The following CARS2 variants were observed in gnomAD, a reference collection of about 807,000 sequenced individuals.
CARS2 encodes cysteinyl-tRNA synthetase 2, mitochondrial, also known as probable cysteine--tRNA ligase, mitochondrial.
Under a neutral mutation model 68.8 loss-of-function variants are expected in CARS2, and 52 were observed. The ratio of observed to expected loss-of-function variants is 0.76; its 90% CI spans 0.61 to 0.95. CARS2 has a LOEUF of 0.95. CARS2 is among the 40% of genes least tolerant of loss of function. The probability of loss-of-function intolerance (pLI) is 0.00; values close to 1 mark genes in which losing one functional copy is unlikely to be tolerated. For missense variants in CARS2, 780 were observed against 754.2 expected (o/e 1.03, Z -0.40); for synonymous variants, 314 against 303.6 (o/e 1.03, Z -0.36).
In CARS2 at chr13:110,706,032, AGGCCCAGCGCGGCCTGGAGCAGCGGGG is replaced by A; in HGVS notation, c.35_61del (p.Pro12_Gly20del). 3 of 1,404,424 alleles carry A rather than the reference AGGCCCAGCGCGGCCTGGAGCAGCGGGG, an allele frequency of 2.1e-6. No individual in the cohort carries two copies. The highest frequency in any genetic ancestry group is 2.8e-6 in the Non-Finnish European group (3 of 1,082,472). The allele number at this position is 1,404,424 out of a possible 1,614,324, so 87.0% of individuals were successfully genotyped here. The stretch of plus-strand genomic sequence containing the variant: ...AGGCCAGTGCCACCCAGCCCGCCCA[AGGCCCAGCGCGGCCTGGAGCAGCGGGG>A]GGCCCAGGCCTGGGCCGCGCGTAGT... On this transcript the variant is annotated inframe_deletion, in exon 1 of 15. Transcript: ENST00000257347.
intron 6 of CARS2, among the ~76,000 whole-genome samples, chr13:110,682,306 T>C (rs1256764054): frequency 6.6e-6 from 1 of 152,244 alleles, no homozygotes; most frequent in Non-Finnish European, 1.5e-5. Context: ...CACGGCCTGC[T>C]GGTAGCCACG....
chr13:110,645,634 G>A, intron 12 of CARS2: 1 of 226,980 alleles, frequency 4.4e-6, no homozygotes, highest in Non-Finnish European at 8.5e-6. Flanking sequence ...TCCTTAAAAA[G>A]TTCCCCACAA....
In CARS2 at chr13:110,665,210, G is replaced by A; in HGVS notation, c.920-1692C>T. 1 of 938,442 alleles carries A rather than the reference G, an allele frequency of 1.1e-6. No homozygotes were observed. Among genetic ancestry groups the A allele is most frequent in the Non-Finnish European group, 1.3e-6 (1 of 787,070 alleles). The allele number at this position is 938,442 out of a possible 1,614,324, so 58.1% of individuals were successfully genotyped here. ...GCCTATAATCCCAGCACTTTGGGAG[G>A]CAGAGGTGGCAGATCACTTGAGGTC... On this transcript the variant is annotated intron_variant, in intron 8 of 14. Transcript: ENST00000257347. This position sits in a 1 kb window ranked among gnomAD's most constrained non-coding sequence, Gnocchi z 4.3.
Position 110,705,651 on chromosome 13 carries a change from A to G in CARS2, c.225-80T>C. The G allele has an allele frequency of 6.7e-7, 1 of 1,501,714 alleles. No individual in the cohort carries two copies. Among genetic ancestry groups the G allele is most frequent in the Non-Finnish European group, 9.2e-7 (1 of 1,083,242 alleles). 93.0% of individuals were successfully genotyped at this position (1,501,714 alleles called of 1,614,324 possible). A position where few individuals can be genotyped will look rare whatever the true frequency, so the allele number is the denominator to read the frequency against. On this transcript the variant is annotated intron_variant, in intron 1 of 14. Transcript: ENST00000257347. The surrounding 1 kb of genome is among the most constrained non-coding windows in gnomAD (Gnocchi z 4.0). ...CGATTCTGAGTTATAATGATCATAT[A>G]ATTTTTAAAGTAATCACTTCTGGGG...
intron 5 of CARS2, among the ~76,000 whole-genome samples, chr13:110,685,245 G>A (rs2139847443): frequency 6.6e-6 from 1 of 152,234 alleles, no homozygotes; most frequent in South Asian, 2.1e-4. Flanking sequence ...GGGAGGCGGA[G>A]GTTGCTGTGA....
In CARS2 at chr13:110,665,328, C is replaced by T. The variant is rs1382360490; in HGVS notation, c.920-1810G>A. The stretch of plus-strand genomic sequence containing the variant: ...GGGTATGGTGGTATGCACCTGTAGT[C>T]GCAGCTACTAGAACAGCTGAGGCAG... On this transcript the variant is annotated intron_variant, in intron 8 of 14. Coordinates refer to ENST00000257347, the MANE Select transcript of CARS2 (RefSeq NM_024537.4). The surrounding 1 kb of genome is among the most constrained non-coding windows in gnomAD (Gnocchi z 4.3). 2 of 637,238 alleles carry T rather than the reference C, an allele frequency of 3.1e-6. No individual in the cohort carries two copies. The highest frequency in any genetic ancestry group is 3.9e-6 in the Non-Finnish European group (2 of 511,928). The allele number at this position is 637,238 out of a possible 1,614,324, so 39.5% of individuals were successfully genotyped here.
chr13:110,695,938 C>G (rs554102658), intron 3 of CARS2, among the ~76,000 whole-genome samples: 2 of 152,208 alleles, frequency 1.3e-5, no homozygotes, highest in South Asian at 4.1e-4. Context: ...GCCCCCCAAC[C>G]CCTGACAGGC....
intron 2 of CARS2, among the ~76,000 whole-genome samples, chr13:110,703,323 A>G (rs1212314273): frequency 6.6e-6 from 1 of 152,194 alleles, no homozygotes; most frequent in Non-Finnish European, 1.5e-5. Flanking sequence ...CCACTGAAGG[A>G]GTACAATGCT....
chr13:110,691,957 T>TAAC (rs2063471647), intron 3 of CARS2, among the ~76,000 whole-genome samples: 1 of 131,788 alleles, frequency 7.6e-6, no homozygotes, highest in Admixed American at 9.2e-5. Context: ...CAATCTATTG[T>TAAC]AGGTCAATCC....
intron 9 of CARS2, among the ~76,000 whole-genome samples, chr13:110,652,407 C>T (rs1489426977): frequency 1.3e-5 from 2 of 152,260 alleles, no homozygotes; most frequent in African/African-American, 4.8e-5. Flanking sequence ...TAAGGCCGTG[C>T]TGCTCAACAA....
rs2296660 is a variant in CARS2 at position 110,650,873 on chromosome 13, C to T, written c.1054+161G>A. On this transcript the variant is annotated intron_variant, in intron 10 of 14. Coordinates refer to ENST00000257347, the MANE Select transcript of CARS2 (RefSeq NM_024537.4). ...GGCCCAGACCAGCACTGGGATCCCT[C>T]GTCCTCTGGGTTCACTCTCAACCCG... 0.085 allele frequency: 50,272 copies of T among 593,298 alleles called. 3,184 individuals are homozygous for T. Among genetic ancestry groups the T allele is most frequent in the African/African-American group, 0.21 (10,876 of 52,526 alleles). The allele number at this position is 593,298 out of a possible 1,614,324, so 36.8% of individuals were successfully genotyped here.
At chr13:110,683,457 A>G (rs1160274960) in intron 5 of CARS2, among the ~76,000 whole-genome samples, 1 of 152,226 alleles carries the variant, frequency 6.6e-6, no homozygotes, top group Non-Finnish European at 1.5e-5. Flanking sequence ...AAACAATACT[A>G]TAAGATAAAT....
At chr13:110,713,238 C>T (rs1047661289) in exon 1 of CARS2, 20 of 1,396,552 alleles carry the variant, frequency 1.4e-5, no homozygotes, top group East Asian at 1.0e-4. Context: ...CCTACTTATA[C>T]TGCTCTGTGG....
At chr13:110,645,856 G>C in intron 12 of CARS2, 111 bp downstream of exon 12, 1 of 1,344,132 alleles carries the variant, frequency 7.4e-7, no homozygotes, top group Non-Finnish European at 1.0e-6. Context: ...AGAAGCTGCG[G>C]GAGGCGAAAT....
chr13:110,671,594 C>T (rs943226548), intron 7 of CARS2, among the ~76,000 whole-genome samples: 20 of 152,184 alleles, frequency 1.3e-4, no homozygotes, highest in African/African-American at 4.8e-4. Flanking sequence ...CAACCAGTAC[C>T]AGCCACTGCA....
chr13:110,686,650 G>C (rs1416746166), intron 5 of CARS2, among the ~76,000 whole-genome samples: 1 of 151,252 alleles, frequency 6.6e-6, no homozygotes, highest in Non-Finnish European at 1.5e-5. Context: ...TATGCCTCCT[G>C]GGTGCAAGCA....
chr13:110,654,092 G>A (rs9588218), intron 9 of CARS2, among the ~76,000 whole-genome samples: 5,701 of 152,300 alleles, frequency 0.037, 349 homozygotes, highest in African/African-American at 0.12. Context: ...GTGAGCTCAC[G>A]AGGTAACAGG....
chr13:110,696,781 G>A (rs2063636007), intron 3 of CARS2, among the ~76,000 whole-genome samples: 1 of 152,078 alleles, frequency 6.6e-6, no homozygotes. Flanking sequence ...ATCCCTCCTT[G>A]TGGCATCTGT....
chr13:110,673,913 A>C (rs1032752061), intron 7 of CARS2, among the ~76,000 whole-genome samples: 42 of 152,372 alleles, frequency 2.8e-4, no homozygotes, highest in African/African-American at 9.9e-4. Flanking sequence ...ATTCCTGTAC[A>C]CCAATAACAG....
Sources: allele counts gnomAD v4.1 joint callset (sites outside exome capture counted in the v4.1 genomes callset), GRCh38; gene constraint gnomAD v4.1.1; non-coding constraint Gnocchi (gnomAD v3.1); transcripts MANE v1.5; gene names NCBI Gene and HGNC (gene_info 2026-07-23, HGNC 2026-07-21).